EHBP1: variants seen among roughly 807,000 people sequenced by gnomAD.
EHBP1 encodes the protein EH domain-binding protein 1.
A neutral mutation model predicts 144.0 loss-of-function variants in EHBP1; 55 were observed. That is an observed-to-expected ratio of 0.38 (90% CI 0.31 to 0.48). The LOEUF (loss-of-function observed/expected upper bound fraction) is 0.48, where lower values mean the gene tolerates loss of function less well. Ranked by LOEUF, EHBP1 falls within the 20% of genes least tolerant of loss-of-function variation. The pLI is 0.98. For missense variants in EHBP1, 1,200 were observed against 1,364.2 expected (o/e 0.88, Z 1.90); for synonymous variants, 469 against 472.7 (o/e 0.99, Z 0.10).
chr2:62,758,288 T>C (rs1186631303), intron 3 of EHBP1, among the ~76,000 whole-genome samples: 1 of 152,086 alleles, frequency 6.6e-6, no homozygotes, highest in Non-Finnish European at 1.5e-5. Flanking sequence ...TTTGTATTTT[T>C]AGTAGAGATA....
intron 14 of EHBP1, among the ~76,000 whole-genome samples, chr2:62,967,562 G>C (rs1171896286): frequency 6.6e-6 from 1 of 152,162 alleles, no homozygotes; most frequent in African/African-American, 2.4e-5. Flanking sequence ...ACATGGAAAA[G>C]GATGTGGTTT....
intron 8 of EHBP1, among the ~76,000 whole-genome samples, chr2:62,862,672 G>A (rs2049674738): frequency 6.6e-6 from 1 of 152,118 alleles, no homozygotes; most frequent in African/African-American, 2.4e-5. Flanking sequence ...GTAATAATCA[G>A]ATTAAGTTGT....
rs116077727 is a variant in EHBP1 at position 62,985,516 on chromosome 2, G to A, written c.2609-5200G>A. On this transcript the variant is annotated intron_variant, in intron 15 of 22. Coordinates refer to ENST00000431489, the MANE Select transcript of EHBP1 (RefSeq NM_001142616.3). Reference sequence around the variant, plus strand: ...ACAGTACTGATCATGTTGACCACCAGTATCTCTGCATTCCTACCAAGTAAA... The same window carrying A: ...ACAGTACTGATCATGTTGACCACCAATATCTCTGCATTCCTACCAAGTAAA... 3.6e-3 allele frequency among the ~76,000 whole-genome samples: 549 copies of A among 152,244 alleles called. 1 individual carries two copies. The highest frequency in any genetic ancestry group is 4.8e-3 in the Non-Finnish European group (324 of 68,004).
chr2:62,984,318 T>C (rs926829446), intron 15 of EHBP1, among the ~76,000 whole-genome samples: 4 of 152,210 alleles, frequency 2.6e-5, no homozygotes, highest in African/African-American at 9.6e-5. Flanking sequence ...ACGGTTGGGT[T>C]ATCTATTTTA....
chr2:62,777,546 A>G (rs1242299474), intron 5 of EHBP1, among the ~76,000 whole-genome samples: 1 of 152,010 alleles, frequency 6.6e-6, no homozygotes, highest in Non-Finnish European at 1.5e-5. Context: ...ATCATCTTAT[A>G]TCTAGGATGT....
intron 10 of EHBP1, among the ~76,000 whole-genome samples, chr2:62,930,924 T>C (rs903373384): frequency 6.6e-6 from 1 of 152,160 alleles, no homozygotes; most frequent in Non-Finnish European, 1.5e-5. Flanking sequence ...ATAAATCTCT[T>C]AGAATAAAAC....
intron 19 of EHBP1, among the ~76,000 whole-genome samples, chr2:63,013,463 T>C (rs1215671648): frequency 1.3e-5 from 2 of 152,138 alleles, no homozygotes; most frequent in Non-Finnish European, 2.9e-5. Context: ...TGCAGGAAAG[T>C]TTCCCACAAT....
chr2:62,839,546 C>A (rs1402750517), intron 7 of EHBP1, among the ~76,000 whole-genome samples: 3 of 149,778 alleles, frequency 2.0e-5, no homozygotes, highest in Admixed American at 6.7e-5. Flanking sequence ...AAGAGGAAGT[C>A]AAATTGTCCC....
At chr2:62,956,604 T>G (rs1263313130) in intron 14 of EHBP1, among the ~76,000 whole-genome samples, 1 of 151,276 alleles carries the variant, frequency 6.6e-6, no homozygotes, top group South Asian at 2.1e-4. Flanking sequence ...ACCCAACACT[T>G]TGAGAGGCTG....
chr2:62,861,980 T>C (rs2049590806), intron 8 of EHBP1, among the ~76,000 whole-genome samples: 1 of 152,166 alleles, frequency 6.6e-6, no homozygotes, highest in African/African-American at 2.4e-5. Flanking sequence ...TATTTGTTAA[T>C]ACAAAATTGG....
chr2:62,777,557 C>T (rs888892678), intron 5 of EHBP1, among the ~76,000 whole-genome samples: 3 of 151,826 alleles, frequency 2.0e-5, no homozygotes, highest in Non-Finnish European at 4.4e-5. Flanking sequence ...TCTAGGATGT[C>T]CCACAGTTAT....
intron 12 of EHBP1, among the ~76,000 whole-genome samples, chr2:62,944,978 G>A (rs1441095478): frequency 6.6e-6 from 1 of 152,128 alleles, no homozygotes; most frequent in African/African-American, 2.4e-5. Flanking sequence ...ATGGTTGAGG[G>A]AAAAAATACA....
chr2:63,013,808 G>A (rs560628354), intron 19 of EHBP1, among the ~76,000 whole-genome samples: 7 of 152,264 alleles, frequency 4.6e-5, no homozygotes, highest in Admixed American at 4.6e-4. Flanking sequence ...GTACAACAGG[G>A]GGTTGGGTAT....
intron 4 of EHBP1, 45 bp downstream of exon 4, chr2:62,764,406 G>A (rs759452571): frequency 1.5e-6 from 2 of 1,374,562 alleles, no homozygotes; most frequent in Admixed American, 4.9e-5. Flanking sequence ...ATATAACCAG[G>A]GTACCAAATG....
rs149245553 is a variant in EHBP1 at position 62,715,071 on chromosome 2, G to A, written c.104+7776G>A. On this transcript the variant is annotated intron_variant, in intron 2 of 22. Transcript: ENST00000431489. ...TTTGTGTATGCATGTCTGTGTGTTCGTATGTGTCCTGTAGCGATGTTTTAT... is the reference window on the plus strand; with the variant it reads ...TTTGTGTATGCATGTCTGTGTGTTCATATGTGTCCTGTAGCGATGTTTTAT... Among the ~76,000 whole-genome samples the A allele has an allele frequency of 7.1e-3, 1,082 of 152,172 alleles. 7 individuals carry two copies. The highest frequency in any genetic ancestry group is 0.024 in the Middle Eastern group (7 of 294).
intron 14 of EHBP1, among the ~76,000 whole-genome samples, chr2:62,960,205 C>G (rs1190225755): frequency 6.6e-6 from 1 of 152,156 alleles, no homozygotes; most frequent in African/African-American, 2.4e-5. Flanking sequence ...AACTTCCCAA[C>G]TACTCAGCAT....
Position 62,986,080 on chromosome 2 carries a change from C to CA in EHBP1, c.2609-4630dup, listed in dbSNP as rs1223402196. ...ATCATCAGTGGAGGCTTATTGGCAG[C>CA]AAAAAAGTACTACATTAGATCCCTA... is the stretch of plus-strand genomic sequence containing the variant. On this transcript the variant is annotated intron_variant, in intron 15 of 22. Transcript: ENST00000431489. Among the ~76,000 whole-genome samples, 3 of 152,014 alleles carry CA rather than the reference C, an allele frequency of 2.0e-5. No homozygotes were observed. The South Asian group carries it at 6.2e-4, about 32-fold the overall frequency.
chr2:62,689,521 G>T (rs2033833616), intron 1 of EHBP1, among the ~76,000 whole-genome samples: 1 of 152,142 alleles, frequency 6.6e-6, no homozygotes, highest in South Asian at 2.1e-4. Flanking sequence ...GCACACACCT[G>T]TAATTCCAGC....
chr2:62,799,901 G>A (rs182627538), intron 5 of EHBP1, among the ~76,000 whole-genome samples: 1 of 152,310 alleles, frequency 6.6e-6, no homozygotes, highest in East Asian at 1.9e-4. Flanking sequence ...CCTGGAGGAG[G>A]AGATGAAATG....
Sources: allele counts gnomAD v4.1 joint callset (sites outside exome capture counted in the v4.1 genomes callset), GRCh38; gene constraint gnomAD v4.1.1; transcripts MANE v1.5; gene names NCBI Gene and HGNC (gene_info 2026-07-23, HGNC 2026-07-21).